The following TBC1D4 variants were observed in gnomAD, a reference collection of about 807,000 sequenced individuals.
TBC1D4 encodes TBC1 domain family member 4.
In TBC1D4, 121 loss-of-function variants were observed where a neutral mutation model predicts 142.5. The ratio of observed to expected loss-of-function variants is 0.85; its 90% CI spans 0.73 to 0.99. The LOEUF (loss-of-function observed/expected upper bound fraction) is 0.99. TBC1D4 is among the 50% of genes least tolerant of loss of function. The pLI is 0.00. For missense variants in TBC1D4, 1,475 were observed against 1,606.6 expected, an observed-to-expected ratio of 0.92 and a Z score of 1.40; for synonymous variants, 630 against 628.2, an observed-to-expected ratio of 1.00 and a Z score of -0.04.
At chr13:75,423,608 T>G (rs1184986474) in intron 1 of TBC1D4, among the ~76,000 whole-genome samples, 1 of 152,188 alleles carries the variant, frequency 6.6e-6, no homozygotes, top group Non-Finnish European at 1.5e-5. Flanking sequence ...TTTTAATTCC[T>G]CTACTGATTC....
chr13:75,320,179 C>A (rs1878634687), intron 11 of TBC1D4, 142 bp from the exon 12 acceptor site: 1 of 844,092 alleles, frequency 1.2e-6, no homozygotes, highest in South Asian at 1.7e-5. Flanking sequence ...AATAATTATA[C>A]CTTTTTTTTT....
chr13:75,395,848 A>G (rs1182589386), intron 1 of TBC1D4, among the ~76,000 whole-genome samples: 1 of 152,128 alleles, frequency 6.6e-6, no homozygotes, highest in East Asian at 1.9e-4. Flanking sequence ...AAATACATAA[A>G]AATAAATAAA....
intron 15 of TBC1D4, among the ~76,000 whole-genome samples, chr13:75,304,003 A>C (rs488819): frequency 0.023 from 3,521 of 152,102 alleles, 118 homozygotes; most frequent in African/African-American, 0.079. Flanking sequence ...ACACCATTTG[A>C]CTCATACTGT....
chr13:75,419,448 GC>G (rs764038749), intron 1 of TBC1D4, among the ~76,000 whole-genome samples: 1 of 152,068 alleles, frequency 6.6e-6, no homozygotes, highest in Non-Finnish European at 1.5e-5. Context: ...TCTATTACCA[GC>G]TTTAAGAAAA....
chr13:75,479,691 G>GA (rs1388352528), intron 1 of TBC1D4, among the ~76,000 whole-genome samples: 4 of 151,644 alleles, frequency 2.6e-5, no homozygotes, highest in Non-Finnish European at 5.9e-5. Context: ...ACCAGAACCA[G>GA]AAAAATGTAA....
chr13:75,415,405 G>A (rs4242960), intron 1 of TBC1D4, among the ~76,000 whole-genome samples: 4,513 of 152,180 alleles, frequency 0.03, 160 homozygotes, highest in Admixed American at 0.1. Flanking sequence ...TGAGTAAGTC[G>A]AATACAAAAA....
intron 1 of TBC1D4, among the ~76,000 whole-genome samples, chr13:75,425,080 T>C (rs1886324691): frequency 1.3e-5 from 2 of 151,866 alleles, no homozygotes; most frequent in Non-Finnish European, 2.9e-5. Flanking sequence ...GGAGAAAATA[T>C]ATGTATGCAA....
chr13:75,432,419 C>T (rs575034034), intron 1 of TBC1D4, among the ~76,000 whole-genome samples: 3 of 152,248 alleles, frequency 2.0e-5, no homozygotes, highest in Admixed American at 2.0e-4. Flanking sequence ...ACAACGATGT[C>T]CATGACACTG....
intron 1 of TBC1D4, among the ~76,000 whole-genome samples, chr13:75,464,610 T>G (rs1472020828): frequency 1.3e-5 from 2 of 152,254 alleles, no homozygotes; most frequent in African/African-American, 4.8e-5. Flanking sequence ...TCTGTATTTC[T>G]GGGTGTGTGT....
intron 11 of TBC1D4, 55 bp downstream of exon 11, chr13:75,324,182 A>G (rs1032871303): frequency 1.9e-6 from 3 of 1,600,028 alleles, no homozygotes; most frequent in Non-Finnish European, 1.7e-6. Context: ...TTAGTAACAT[A>G]TCAGTATATC....
chr13:75,409,853 A>C (rs1593855081), intron 1 of TBC1D4, among the ~76,000 whole-genome samples: 1 of 152,308 alleles, frequency 6.6e-6, no homozygotes, highest in African/African-American at 2.4e-5. Context: ...TTAGGATGTT[A>C]AGATACTAGT....
In TBC1D4 at chr13:75,457,153, G is replaced by T. The variant is rs549636340; in HGVS notation, c.498+24117C>A. On this transcript the variant is annotated intron_variant, in intron 1 of 20. Transcript: ENST00000377636. ...GGGTATCAACTGGAAGAGGGTACAA[G>T]AAAGCACTGAGTGCTGGAAATATTC... Among the ~76,000 whole-genome samples the T allele has an allele frequency of 3.3e-5, 5 of 152,284 alleles. No individual in the cohort carries two copies. In the South Asian group the frequency reaches 1.0e-3, roughly 32 times the overall value.
chr13:75,311,340 T>C (rs1352049395), intron 13 of TBC1D4, among the ~76,000 whole-genome samples: 1 of 152,232 alleles, frequency 6.6e-6, no homozygotes, highest in Non-Finnish European at 1.5e-5. Context: ...AAACATCTAA[T>C]TGTTCTGTGA....
chr13:75,386,553 T>TA, intron 1 of TBC1D4, among the ~76,000 whole-genome samples: 1 of 152,070 alleles, frequency 6.6e-6, no homozygotes, highest in East Asian at 1.9e-4. Context: ...CAGACCTGGC[T>TA]AATTTTTTGT....
chr13:75,458,047 T>G (rs1022769492), intron 1 of TBC1D4, among the ~76,000 whole-genome samples: 2 of 152,120 alleles, frequency 1.3e-5, no homozygotes, highest in African/African-American at 2.4e-5. Flanking sequence ...GGCTAAGTGT[T>G]AAACCAGCCC....
At chr13:75,418,392 C>T (rs1232964688) in intron 1 of TBC1D4, among the ~76,000 whole-genome samples, 1 of 152,144 alleles carries the variant, frequency 6.6e-6, no homozygotes, top group Non-Finnish European at 1.5e-5. Flanking sequence ...GGGACAGTTA[C>T]ACAGGGCATG....
At chr13:75,422,270 G>GA (rs994510356) in intron 1 of TBC1D4, among the ~76,000 whole-genome samples, 3,320 of 146,488 alleles carry the variant, frequency 0.023, 111 homozygotes, top group African/African-American at 0.076. Context: ...AACTGGCTGT[G>GA]AAAAAAAAAA....
intron 14 of TBC1D4, among the ~76,000 whole-genome samples, chr13:75,306,698 T>C (rs1462365694): frequency 2.6e-5 from 4 of 152,190 alleles, no homozygotes; most frequent in Non-Finnish European, 4.4e-5. Context: ...GAGGTTTTAC[T>C]CTGTATCTTA....
intron 1 of TBC1D4, among the ~76,000 whole-genome samples, chr13:75,411,149 G>A (rs888452029): frequency 2.6e-5 from 4 of 151,944 alleles, no homozygotes; most frequent in African/African-American, 9.7e-5. Flanking sequence ...CCGCTCCTTT[G>A]TTTTACTGAC....
Sources: allele counts gnomAD v4.1 joint callset (sites outside exome capture counted in the v4.1 genomes callset), GRCh38; gene constraint gnomAD v4.1.1; transcripts MANE v1.5; gene names NCBI Gene and HGNC (gene_info 2026-07-23, HGNC 2026-07-21).